The following CUL7 variants were observed in gnomAD, a reference collection of about 807,000 sequenced individuals.
The protein encoded by CUL7 is cullin 7, also known as cullin-7.
Under a neutral mutation model 177.7 loss-of-function variants are expected in CUL7, and 96 were observed. That is an observed-to-expected ratio of 0.54 (90% CI 0.46 to 0.64). CUL7 has a LOEUF of 0.64. Ranked by LOEUF, CUL7 falls within the 30% of genes least tolerant of loss-of-function variation. The probability of loss-of-function intolerance (pLI) is 0.00; values close to 1 mark genes in which losing one functional copy is unlikely to be tolerated. For missense variants in CUL7, 1,893 were observed against 2,187.9 expected (o/e 0.87, Z 2.69); for synonymous variants, 824 against 890.2 (o/e 0.93, Z 1.32).
chr6:43,045,364 T>C lies in CUL7; in HGVS notation c.2901A>G (p.Leu967=), dbSNP rs1554137586. ...IDTRIRGLEI[L]GPKPTFWPVF... is the part of the protein sequence containing the mutation. ...CTGGCCAGAACGTGGGCTTGGGGCC[T>C]AGGATCTCTAACCCCCGAATGCGCG... Residue 967 remains leucine, a synonymous_variant, in exon 15 of 26, where the codon CTA becomes CTG. Transcript: ENST00000265348. This position sits in a 1 kb window ranked among gnomAD's most constrained non-coding sequence, Gnocchi z 4.8. 1 of 1,614,194 alleles carries C rather than the reference T, an allele frequency of 6.2e-7. No homozygotes were observed. The highest frequency in any genetic ancestry group is 8.5e-7 in the Non-Finnish European group (1 of 1,180,030).
At position 43,047,100 on chromosome 6, in the gene CUL7, T is replaced by A; in HGVS notation, c.2177A>T (p.Gln726Leu). ...RSPNTDREVL[Q>L]ELIFFLHRLT... ...GCGGTGCAGGAAGAAAATCAGTTCC[T>A]GGAGCACCTGGGTGGGGACATAAGG... is the stretch of plus-strand genomic sequence containing the variant. Residue 726 changes from glutamine to leucine, a missense_variant, in exon 10 of 26, where the codon CAG becomes CTG. Around this residue, in one of 5 missense-constraint regions of CUL7, gnomAD observed 973 missense variants for 1,140.9 expected, o/e 0.85. Transcript: ENST00000265348. The A allele has an allele frequency of 5.0e-6, 8 of 1,598,666 alleles. No homozygotes were observed. The highest frequency in any genetic ancestry group is 1.7e-4 in the Middle Eastern group (1 of 5,924).
At position 43,040,676 on chromosome 6, in the gene CUL7, C is replaced by G; in HGVS notation, c.3877G>C (p.Gly1293Arg). The change falls in exon 21 of 26, where the codon GGT becomes CGT. Residue 1293 changes from glycine (G) to arginine (R), a missense_variant. Gly to Arg is a moderately radical substitution (Grantham distance 125). Transcript: ENST00000265348. This position sits in a 1 kb window ranked among gnomAD's most constrained non-coding sequence, Gnocchi z 4.2. ...WLEGAVLEQI[G>R]PCFPNRLPQQ... ...GGGAGGCGGTTGGGGAAGCAGGGAC[C>G]GATCTGCTCCAGCACGGCCCCCTCC... 1 of 1,614,160 alleles carries G rather than the reference C, an allele frequency of 6.2e-7. No homozygotes were observed. Among genetic ancestry groups the G allele is most frequent in the Non-Finnish European group, 8.5e-7 (1 of 1,180,026 alleles).
chr6:43,045,460 A>G lies in CUL7; in HGVS notation c.2863-58T>C. On this transcript the variant is annotated intron_variant, in intron 14 of 25. Coordinates refer to ENST00000265348, the MANE Select transcript of CUL7 (RefSeq NM_014780.5). This position sits in a 1 kb window ranked among gnomAD's most constrained non-coding sequence, Gnocchi z 4.8. ...CCACACCTTGGGATGGGCTGGGGTC[A>G]GCTACGCCCTCGAACCTCACCCCTG... 6.2e-7 allele frequency: 1 copy of G among 1,614,054 alleles called. No individual in the cohort carries two copies. The highest frequency in any genetic ancestry group is 8.5e-7 in the Non-Finnish European group (1 of 1,179,974).
rs755714598 is a variant in CUL7 at position 43,052,475 on chromosome 6, G to A, written c.314C>T (p.Ser105Phe). 3.7e-5 allele frequency: 59 copies of A among 1,614,208 alleles called. 2 individuals carry two copies. In the Middle Eastern group the frequency reaches 2.8e-3, roughly 77 times the overall value. ...SAGEVGALDK[S>F]VLEEMETDVK... is the part of the protein sequence containing the mutation. ...GTCGGTTTCCATCTCCTCCAGCACA[G>A]ATTTGTCCAGGGCCCCAACCTCCCC... Residue 105 changes from serine to phenylalanine, a missense_variant, in exon 2 of 26, where the codon TCT (serine) becomes TTT (phenylalanine). Physicochemically the swap from Ser to Phe is radical, Grantham distance 155. This residue lies in a region of CUL7 where 653 missense variants were observed against 725.2 expected (regional missense o/e 0.90). Coordinates refer to ENST00000265348, the MANE Select transcript of CUL7 (RefSeq NM_014780.5). The surrounding 1 kb of genome is among the most constrained non-coding windows in gnomAD (Gnocchi z 4.5).
rs933039298 is a variant in CUL7, at chr6:43,053,812, G to C, written c.-199C>G. On this transcript the variant is annotated 5_prime_UTR_variant, in exon 1 of 26. Transcript: ENST00000265348. This position sits in a 1 kb window ranked among gnomAD's most constrained non-coding sequence, Gnocchi z 4.1. ...GTCGGCAGCCACTGGGGCAGGGTGG[G>C]GCCCGGTCCCTGCCAGCGGCTCCGC... The C allele has an allele frequency of 3.3e-6, 5 of 1,532,856 alleles. No individual in the cohort carries two copies. In the East Asian group the frequency reaches 1.2e-4, roughly 38 times the overall value. The allele number at this position is 1,532,856 out of a possible 1,614,324, so 95.0% of individuals were successfully genotyped here. A position where few individuals can be genotyped will look rare whatever the true frequency, so the allele number is the denominator to read the frequency against.
rs1200236442 is a variant in CUL7, at chr6:43,042,973, A to G, written c.3474T>C (p.Phe1158=). 8.7e-6 allele frequency: 14 copies of G among 1,614,182 alleles called. No homozygotes were observed. Among genetic ancestry groups the G allele is most frequent in the Non-Finnish European group, 1.2e-5 (14 of 1,180,026 alleles). ...CATCATCCCGCCAGGATGAGGTCAG[A>G]AAATTGTTCACCTGGAAGGAAGGGG... The part of the protein sequence containing the change: ...RAVVEKQVNN[F]LTSSWRDDDF... The change falls in exon 19 of 26, where the codon TTT becomes TTC. Residue 1158 remains phenylalanine (F), a synonymous_variant. Transcript: ENST00000265348.
chr6:43,048,663 C>A (rs1764133135), intron 7 of CUL7, 94 bp from the exon 8 acceptor site: 1 of 914,548 alleles, frequency 1.1e-6, no homozygotes, highest in Admixed American at 2.7e-5. Context: ...TCTCTAATTT[C>A]TCCTAAAAAA....
At chr6:43,048,084 G>T in intron 9 of CUL7, 64 bp downstream of exon 9, 1 of 1,023,942 alleles carries the variant, frequency 9.8e-7, no homozygotes, top group Non-Finnish European at 1.5e-6. Flanking sequence ...CCCAGCAGGT[G>T]TGCCTTGCCA....
Position 43,050,550 on chromosome 6 carries a change from AC to A in CUL7, c.1234-153del, listed in dbSNP as rs1764308606. ...AACAAAACAGCAGCATATGGAGAATACACACACACACACACACACACACACA... is the reference window on the plus strand; with the variant it reads ...AACAAAACAGCAGCATATGGAGAATAACACACACACACACACACACACACA... On this transcript the variant is annotated intron_variant, in intron 4 of 25. Transcript: ENST00000265348. This position sits in a 1 kb window ranked among gnomAD's most constrained non-coding sequence, Gnocchi z 4.1. The A allele has an allele frequency of 2.8e-5, 1 of 35,826 alleles. No homozygotes were observed. The highest frequency in any genetic ancestry group is 4.8e-5 in the Non-Finnish European group (1 of 20,672). The allele number at this position is 35,826 out of a possible 1,614,324, so 2.2% of individuals were successfully genotyped here.
At position 43,041,026 on chromosome 6, in the gene CUL7, C is replaced by T. The variant is rs36004037; in HGVS notation, c.3695G>A (p.Arg1232Gln). 2,420 of 1,613,856 alleles carry T rather than the reference C, an allele frequency of 1.5e-3. 48 individuals carry two copies. The highest frequency in any genetic ancestry group is 4.9e-4 in the Middle Eastern group (3 of 6,082). Reference sequence around the variant, plus strand: ...CTCCATTTCCTGGGCTCCACCGATCCGGCTGCCCTGGATCTGCTGGTCAAT... The same window carrying T: ...CTCCATTTCCTGGGCTCCACCGATCTGGCTGCCCTGGATCTGCTGGTCAAT... ...RHIDQQIQGS[R>Q]IGGAQEMERL... Residue 1232 changes from arginine (R) to glutamine (Q), a missense_variant, in exon 20 of 26, where the codon CGG (arginine) becomes CAG (glutamine). Around this residue, in one of 5 missense-constraint regions of CUL7, gnomAD observed 973 missense variants for 1,140.9 expected, o/e 0.85. Coordinates refer to ENST00000265348, the MANE Select transcript of CUL7 (RefSeq NM_014780.5).
Position 43,045,459 on chromosome 6 carries a change from C to T in CUL7, c.2863-57G>A, listed in dbSNP as rs1385602190. The T allele has an allele frequency of 2.0e-5, 33 of 1,613,892 alleles. No homozygotes were observed. The highest frequency in any genetic ancestry group is 2.5e-5 in the Non-Finnish European group (30 of 1,179,974). On this transcript the variant is annotated intron_variant, in intron 14 of 25. Transcript: ENST00000265348. The surrounding 1 kb of genome is among the most constrained non-coding windows in gnomAD (Gnocchi z 4.8). ...TCCACACCTTGGGATGGGCTGGGGTCAGCTACGCCCTCGAACCTCACCCCT... is the reference window on the plus strand; with the variant it reads ...TCCACACCTTGGGATGGGCTGGGGTTAGCTACGCCCTCGAACCTCACCCCT...
In CUL7 at chr6:43,051,366, T is replaced by C. The variant is rs1764393258; in HGVS notation, c.835A>G (p.Thr279Ala). ...CCACTCAACTCCTCAGGAGCAGAGG[T>C]GTTCTGGGCTCCTGGCTCCGCAGCA... is the stretch of plus-strand genomic sequence containing the variant. ...DSAAEPGAQN[T>A]SAPEELSGER... Residue 279 changes from threonine to alanine, a missense_variant, in exon 4 of 26, where the codon ACC (threonine) becomes GCC (alanine). Thr to Ala is a moderately conservative substitution (Grantham distance 58, BLOSUM62 0). This residue lies in a region of CUL7 where 653 missense variants were observed against 725.2 expected (regional missense o/e 0.90). Coordinates refer to ENST00000265348, the MANE Select transcript of CUL7 (RefSeq NM_014780.5). This position sits in a 1 kb window ranked among gnomAD's most constrained non-coding sequence, Gnocchi z 5.0. The C allele has an allele frequency of 6.2e-7, 1 of 1,613,408 alleles. No homozygotes were observed. The highest frequency in any genetic ancestry group is 8.5e-7 in the Non-Finnish European group (1 of 1,179,688).
chr6:43,038,078 C>T, intron 25 of CUL7, 67 bp from the exon 26 acceptor site: 1 of 1,532,454 alleles, frequency 6.5e-7, no homozygotes, highest in Non-Finnish European at 8.8e-7. Context: ...CTTGAGCTTC[C>T]ACTCCAACCA....
rs1763273048 is a variant in CUL7, at chr6:43,040,024, G to A, written c.4294+132C>T. 9.0e-7 allele frequency: 1 copy of A among 1,114,090 alleles called. No homozygotes were observed. The highest frequency in any genetic ancestry group is 1.4e-6 in the Non-Finnish European group (1 of 733,438). The allele number at this position is 1,114,090 out of a possible 1,614,324, so 69.0% of individuals were successfully genotyped here. On this transcript the variant is annotated intron_variant, in intron 22 of 25. Coordinates refer to ENST00000265348, the MANE Select transcript of CUL7 (RefSeq NM_014780.5). The surrounding 1 kb of genome is among the most constrained non-coding windows in gnomAD (Gnocchi z 4.2). ...CAAAGTGCTGGGATTACAGGCGTGA[G>A]CACTGTGCCCAGCCAAAGACTATCT...
chr6:43,053,757 C>G lies in CUL7; in HGVS notation c.-144G>C. The G allele has an allele frequency of 6.7e-7, 1 of 1,500,992 alleles. No homozygotes were observed. Among genetic ancestry groups the G allele is most frequent in the Non-Finnish European group, 8.9e-7 (1 of 1,127,328 alleles). 93.0% of individuals were successfully genotyped at this position (1,500,992 alleles called of 1,614,324 possible). The stretch of plus-strand genomic sequence containing the variant: ...AGACGGAGAGACGGGAGGGGGCGTG[C>G]CTCCGCGGAACAGAGCTGCACCCGC... On this transcript the variant is annotated 5_prime_UTR_variant, in exon 1 of 26. Transcript: ENST00000265348. The surrounding 1 kb of genome is among the most constrained non-coding windows in gnomAD (Gnocchi z 4.1).
Position 43,040,225 on chromosome 6 carries a change from T to G in CUL7, c.4225A>C (p.Asn1409His). The change falls in exon 22 of 26, where the codon AAC becomes CAC. Residue 1409 changes from asparagine to histidine, a missense_variant. Coordinates refer to ENST00000265348, the MANE Select transcript of CUL7 (RefSeq NM_014780.5). This position sits in a 1 kb window ranked among gnomAD's most constrained non-coding sequence, Gnocchi z 4.2. ...TAGGAGGGCAGGCAGGTTCTGGGGTTCAGTGTGTGGCAGATTGAGGCAACA... is the reference window on the plus strand; with the variant it reads ...TAGGAGGGCAGGCAGGTTCTGGGGTGCAGTGTGTGGCAGATTGAGGCAACA... ...WPVASICHTLNPRTCLPSYLR... is the reference protein window; with the variant it reads ...WPVASICHTLHPRTCLPSYLR... 1 of 1,614,166 alleles carries G rather than the reference T, an allele frequency of 6.2e-7. No homozygotes were observed. The highest frequency in any genetic ancestry group is 8.5e-7 in the Non-Finnish European group (1 of 1,180,028).
chr6:43,043,514 T>C lies in CUL7; in HGVS notation c.3289A>G (p.Thr1097Ala). ...PAFFSRVRRLTHLLVHVEPCE... is the reference protein window; with the variant it reads ...PAFFSRVRRLAHLLVHVEPCE... Reference sequence around the variant, plus strand: ...GGCTCGACATGCACCAGCAGGTGAGTGAGACGGCGCACCCGCGAGAAGAAA... The same window carrying C: ...GGCTCGACATGCACCAGCAGGTGAGCGAGACGGCGCACCCGCGAGAAGAAA... The change falls in exon 17 of 26, where the codon ACT becomes GCT. Residue 1097 changes from threonine (T) to alanine (A), a missense_variant. By Grantham distance (58) the Thr-to-Ala change is moderately conservative. Coordinates refer to ENST00000265348, the MANE Select transcript of CUL7 (RefSeq NM_014780.5). This position sits in a 1 kb window ranked among gnomAD's most constrained non-coding sequence, Gnocchi z 4.2. The C allele has an allele frequency of 6.2e-7, 1 of 1,613,404 alleles. No individual in the cohort carries two copies. The highest frequency in any genetic ancestry group is 1.3e-5 in the African/African-American group (1 of 74,788).
At chr6:43,048,102 C>G (rs757733963) in intron 9 of CUL7, 46 bp downstream of exon 9, 11 of 1,310,848 alleles carry the variant, frequency 8.4e-6, no homozygotes. Flanking sequence ...CCAGTGGCTG[C>G]CTTTATCCTC....
rs759781120 is a variant in CUL7, at chr6:43,048,412, C to T, written c.1983G>A (p.Arg661=). ...TCAGTGCCAGGAAGGGCTGCGGCTG[C>T]CGCTGCAGCTGCAGCAGGAGTGGCT... is the stretch of plus-strand genomic sequence containing the variant. The part of the protein sequence containing the change: ...KVKPLLLQLQ[R]QPQPFLALMQ... Residue 661 remains arginine (R), a synonymous_variant, in exon 8 of 26, where the codon CGG becomes CGA. Transcript: ENST00000265348. 2 of 1,613,858 alleles carry T rather than the reference C, an allele frequency of 1.2e-6. No individual in the cohort carries two copies. The highest frequency in any genetic ancestry group is 1.7e-6 in the Non-Finnish European group (2 of 1,179,832).
Sources: allele counts gnomAD v4.1 joint callset, GRCh38; gene constraint gnomAD v4.1.1; regional missense constraint gnomAD v4.1.1; non-coding constraint Gnocchi (gnomAD v3.1); transcripts MANE v1.5; gene names NCBI Gene and HGNC (gene_info 2026-07-23, HGNC 2026-07-21).